The following COG6 variants were observed in gnomAD, a reference collection of about 807,000 sequenced individuals.
The protein encoded by COG6 is component of oligomeric golgi complex 6.
Under a neutral mutation model 88.8 loss-of-function variants are expected in COG6, and 74 were observed. That is an observed-to-expected ratio of 0.83 (90% CI 0.69 to 1.01). COG6 has a LOEUF of 1.01. Ranked by LOEUF, COG6 falls within the 50% of genes least tolerant of loss-of-function variation. The pLI is 0.00. For synonymous variants in COG6, 286 were observed against 278.7 expected (o/e 1.03, Z -0.26); for missense variants, 800 against 797.9 (o/e 1.00, Z -0.03).
chr13:39,687,296 G>A (rs1876705117), intron 8 of COG6, among the ~76,000 whole-genome samples: 1 of 151,972 alleles, frequency 6.6e-6, no homozygotes, highest in South Asian at 2.1e-4. Flanking sequence ...AGGGGTAAAA[G>A]TTTTTACTTT....
At position 39,773,037 on chromosome 13, in the gene COG6, G is replaced by A. The variant is rs376961670; in HGVS notation, c.1827-15298G>A. On this transcript the variant is annotated intron_variant, in intron 18 of 18. Coordinates refer to the COG6 transcript ENST00000416691. ...AGACCTGGGTCTCTGTTTATTAGTC[G>A]AGAATCGGAAGGGCTTTAGAGATGG... 2.0e-4 allele frequency among the ~76,000 whole-genome samples: 30 copies of A among 152,160 alleles called. No homozygotes were observed. In the East Asian group the frequency reaches 2.9e-3, roughly 15 times the overall value.
intron 2 of COG6, among the ~76,000 whole-genome samples, chr13:39,659,829 C>G (rs6563737): frequency 6.6e-6 from 1 of 151,862 alleles, no homozygotes; most frequent in Admixed American, 6.6e-5. Context: ...ATTGCATAAA[C>G]CTCTCTTGGA....
chr13:39,715,574 G>GA (rs1425336321), intron 13 of COG6, among the ~76,000 whole-genome samples: 2 of 151,864 alleles, frequency 1.3e-5, no homozygotes, highest in African/African-American at 2.4e-5. Flanking sequence ...AGATTCCACT[G>GA]AAAAAAATTT....
intron 13 of COG6, among the ~76,000 whole-genome samples, chr13:39,715,274 T>TACAC (rs35957437): frequency 9.1e-4 from 137 of 149,982 alleles, no homozygotes; most frequent in Admixed American, 1.5e-3. Flanking sequence ...TCTCTCTCTA[T>TACAC]ACACACACAC....
intron 18 of COG6, among the ~76,000 whole-genome samples, chr13:39,757,988 G>A (rs953523957): frequency 4.6e-5 from 7 of 151,410 alleles, no homozygotes; most frequent in East Asian, 2.0e-4. Flanking sequence ...TTGGGAGGCC[G>A]AGGCAGGCAG....
At chr13:39,750,001 C>G (rs1182624174) in intron 18 of COG6, among the ~76,000 whole-genome samples, 1 of 152,076 alleles carries the variant, frequency 6.6e-6, no homozygotes, top group Non-Finnish European at 1.5e-5. Flanking sequence ...TGTGTGTACT[C>G]CAGGCAAGAG....
At chr13:39,767,487 T>C (rs1881199991) in intron 18 of COG6, among the ~76,000 whole-genome samples, 2 of 152,114 alleles carry the variant, frequency 1.3e-5, no homozygotes, top group African/African-American at 4.8e-5. Context: ...ACTGGGGGCA[T>C]TGATGATTTT....
At chr13:39,662,470 T>C (rs1187096533) in intron 3 of COG6, among the ~76,000 whole-genome samples, 4 of 152,154 alleles carry the variant, frequency 2.6e-5, no homozygotes, top group Non-Finnish European at 5.9e-5. Flanking sequence ...TCCTGTTTTT[T>C]CTTCTGCAGT....
chr13:39,669,162 T>G (rs1320085486), intron 4 of COG6, among the ~76,000 whole-genome samples: 1 of 152,180 alleles, frequency 6.6e-6, no homozygotes, highest in African/African-American at 2.4e-5. Flanking sequence ...TTAAATTTCT[T>G]TATCAGAATT....
chr13:39,684,308 A>G (rs4591007), intron 8 of COG6, among the ~76,000 whole-genome samples: 98,649 of 135,414 alleles, frequency 0.73, 35,790 homozygotes, highest in Admixed American at 0.82. Context: ...GAGTGCAGTG[A>G]CGCAATCTCG....
downstream of COG6, among the ~76,000 whole-genome samples, chr13:39,753,380 G>A (rs1215862668): frequency 2.0e-5 from 3 of 152,126 alleles, no homozygotes; most frequent in Non-Finnish European, 4.4e-5. Context: ...AGAAATAAAT[G>A]TCTGTTGTTT....
intron 18 of COG6, among the ~76,000 whole-genome samples, chr13:39,741,870 C>T (rs905698058): frequency 6.6e-6 from 1 of 152,100 alleles, no homozygotes; most frequent in African/African-American, 2.4e-5. Flanking sequence ...TCGGGTTACC[C>T]ACAAAGGGAA....
At position 39,751,814 on chromosome 13, in the gene COG6, A is replaced by G. The variant is rs146466823; in HGVS notation, c.*721A>G. 79 of 1,287,190 alleles carry G rather than the reference A, an allele frequency of 6.1e-5. No homozygotes were observed. The African/African-American group carries it at 9.3e-4, about 15-fold the overall frequency. The allele number at this position is 1,287,190 out of a possible 1,614,324, so 79.7% of individuals were successfully genotyped here. A position where few individuals can be genotyped will look rare whatever the true frequency, so the allele number is the denominator to read the frequency against. ...CTGTGGGAGCCTTCGATGGAACTCA[A>G]GGTGGAGCTCAGCCTTTCCAATGAG... On this transcript the variant is annotated 3_prime_UTR_variant, in exon 19 of 19. Transcript: ENST00000455146.
Position 39,727,508 on chromosome 13 carries a change from T to C in COG6, c.1786T>C (p.Leu596=), listed in dbSNP as rs1352367930. 1 of 1,613,440 alleles carries C rather than the reference T, an allele frequency of 6.2e-7. No homozygotes were observed. The highest frequency in any genetic ancestry group is 1.3e-5 in the African/African-American group (1 of 74,912). The part of the protein sequence containing the change: ...DRYLSAPDNL[L]IPQLNFLLSA... Reference sequence around the variant, plus strand: ...TTATCTGTCAGCCCCAGACAACCTATTGATACCACAGCTGAACTTTCTTCT... The same window carrying C: ...TTATCTGTCAGCCCCAGACAACCTACTGATACCACAGCTGAACTTTCTTCT... Residue 596 remains leucine (L), a synonymous_variant, in exon 18 of 19, where the codon TTG becomes CTG. Coordinates refer to ENST00000455146, the MANE Select transcript of COG6 (RefSeq NM_020751.3).
At chr13:39,784,395 A>G (rs1409106069) in intron 18 of COG6, among the ~76,000 whole-genome samples, 1 of 152,240 alleles carries the variant, frequency 6.6e-6, no homozygotes, top group Non-Finnish European at 1.5e-5. Context: ...TAGAAGAGGC[A>G]GGAGCTCTGG....
intron 4 of COG6, 120 bp from the exon 5 acceptor site, chr13:39,677,348 A>T (rs957738849): frequency 1.5e-6 from 1 of 680,640 alleles, no homozygotes; most frequent in Non-Finnish European, 2.6e-6. Flanking sequence ...ACTTTTGAAA[A>T]TATTGAGAAC....
intron 17 of COG6, among the ~76,000 whole-genome samples, chr13:39,726,019 T>C (rs753816498): frequency 1.3e-5 from 2 of 152,012 alleles, no homozygotes; most frequent in African/African-American, 2.4e-5. Flanking sequence ...AAATTCTTCA[T>C]GTTCCTGGTG....
intron 1 of COG6, among the ~76,000 whole-genome samples, chr13:39,658,533 C>T (rs1874679874): frequency 6.6e-6 from 1 of 152,136 alleles, no homozygotes; most frequent in Admixed American, 6.5e-5. Flanking sequence ...TTTCTCTTAC[C>T]TACCTCCTTT....
intron 4 of COG6, among the ~76,000 whole-genome samples, chr13:39,672,931 TG>T (rs1186383877): frequency 6.6e-6 from 1 of 152,076 alleles, no homozygotes; most frequent in African/African-American, 2.4e-5. Flanking sequence ...GCCATGCTAC[TG>T]GGTGTGAAGT....
Sources: gnomAD v4.1 joint callset for allele counts (sites outside exome capture counted in the v4.1 genomes callset) on GRCh38, gnomAD v4.1.1 for gene constraint, MANE v1.5 for transcripts, NCBI Gene and HGNC (gene_info 2026-07-23, HGNC 2026-07-21) for gene names.